TSHZ2: variants seen among roughly 807,000 people sequenced by gnomAD.
TSHZ2 encodes teashirt homolog 2.
A neutral mutation model predicts 74.4 loss-of-function variants in TSHZ2; 21 were observed. That is an observed-to-expected ratio of 0.28 (90% CI 0.20 to 0.41). The LOEUF (loss-of-function observed/expected upper bound fraction) is 0.41. Among genes scored for constraint, TSHZ2 ranks in the 10% least tolerant of loss-of-function variants. The pLI, the probability that TSHZ2 is intolerant of heterozygous loss-of-function variation, is 1.00. For missense variants in TSHZ2, 1,244 were observed against 1,293.5 expected, an observed-to-expected ratio of 0.96 and a Z score of 0.59; for synonymous variants, 540 against 515.3, an observed-to-expected ratio of 1.05 and a Z score of -0.65.
intron 2 of TSHZ2, among the ~76,000 whole-genome samples, chr20:53,342,955 CTTTTTTT>C (rs1175907478): frequency 3.1e-4 from 19 of 61,230 alleles, no homozygotes; most frequent in African/African-American, 7.3e-4. Flanking sequence ...CTTTTCTTTT[CTTTTTTT>C]TTTTTTTTTT....
At chr20:53,175,266 G>T (rs1204463561) in intron 1 of TSHZ2, among the ~76,000 whole-genome samples, 1 of 147,722 alleles carries the variant, frequency 6.8e-6, no homozygotes, top group Non-Finnish European at 1.5e-5. Flanking sequence ...TCAGCCTCCC[G>T]AGTAGCTGGA....
intron 2 of TSHZ2, among the ~76,000 whole-genome samples, chr20:53,366,222 G>A (rs1981252582): frequency 6.6e-6 from 1 of 152,126 alleles, no homozygotes. Context: ...TGCCCACTGT[G>A]GAGACAAAGT....
intron 1 of TSHZ2, among the ~76,000 whole-genome samples, chr20:53,242,080 CACTT>C (rs1387729232): frequency 6.6e-6 from 1 of 152,208 alleles, no homozygotes; most frequent in Middle Eastern, 3.2e-3. Flanking sequence ...ATGAATGTCA[CACTT>C]ACTTGTCGTC....
chr20:53,009,145 TAGTG>T (rs1006895911), intron 1 of TSHZ2, among the ~76,000 whole-genome samples: 2 of 151,180 alleles, frequency 1.3e-5, no homozygotes, highest in South Asian at 2.1e-4. Flanking sequence ...CCTGAAAAAA[TAGTG>T]AGACCAATCG....
chr20:53,453,283 G>T (rs1324667494), intron 2 of TSHZ2, among the ~76,000 whole-genome samples: 1 of 152,192 alleles, frequency 6.6e-6, no homozygotes. Flanking sequence ...ATGGCGGCCT[G>T]TACAATGAAC....
intron 1 of TSHZ2, among the ~76,000 whole-genome samples, chr20:52,982,566 T>C (rs1355751788): frequency 1.3e-5 from 2 of 152,218 alleles, no homozygotes; most frequent in African/African-American, 4.8e-5. Flanking sequence ...GTGCATCTAT[T>C]ATGTGCCAGG....
chr20:53,226,684 C>T (rs564308839), intron 1 of TSHZ2, among the ~76,000 whole-genome samples: 3 of 152,198 alleles, frequency 2.0e-5, no homozygotes, highest in African/African-American at 4.8e-5. Flanking sequence ...TTCTAAGGCT[C>T]GGCCATATTA....
At chr20:53,090,678 C>T (rs1230101878) in intron 1 of TSHZ2, among the ~76,000 whole-genome samples, 1 of 152,172 alleles carries the variant, frequency 6.6e-6, no homozygotes, top group Admixed American at 6.5e-5. Context: ...CCCAGGTGTG[C>T]TTTGAGGTGG....
intron 1 of TSHZ2, among the ~76,000 whole-genome samples, chr20:53,089,252 C>G (rs1985797081): frequency 6.6e-6 from 1 of 150,714 alleles, no homozygotes; most frequent in African/African-American, 2.4e-5. Context: ...GAGGAAAGCC[C>G]ACACAGAGAA....
At chr20:53,098,861 A>G (rs554329717) in intron 1 of TSHZ2, among the ~76,000 whole-genome samples, 1 of 152,246 alleles carries the variant, frequency 6.6e-6, no homozygotes, top group Non-Finnish European at 1.5e-5. Context: ...ACATAAGAAC[A>G]TGGGCTACAT....
chr20:53,285,185 A>G (rs1412698061), intron 2 of TSHZ2, among the ~76,000 whole-genome samples: 1 of 152,180 alleles, frequency 6.6e-6, no homozygotes, highest in East Asian at 1.9e-4. Context: ...CACGGTATTA[A>G]AAAGTTAAAT....
intron 2 of TSHZ2, among the ~76,000 whole-genome samples, chr20:53,333,343 C>T (rs1187066226): frequency 6.6e-6 from 1 of 152,048 alleles, no homozygotes; most frequent in Non-Finnish European, 1.5e-5. Context: ...CAATTAGAGG[C>T]CTTTGAAGAA....
At chr20:53,269,470 C>T (rs1269404482) in intron 2 of TSHZ2, among the ~76,000 whole-genome samples, 1 of 152,166 alleles carries the variant, frequency 6.6e-6, no homozygotes, top group East Asian at 1.9e-4. Flanking sequence ...TTGCAAAGCC[C>T]CACTTGTTAC....
intron 1 of TSHZ2, among the ~76,000 whole-genome samples, chr20:53,148,761 G>A (rs1987605307): frequency 6.6e-6 from 1 of 152,104 alleles, no homozygotes. Flanking sequence ...AATCTTCAGG[G>A]TACAGTCTTT....
At chr20:53,108,998 T>C (rs574023285) in intron 1 of TSHZ2, among the ~76,000 whole-genome samples, 2 of 152,238 alleles carry the variant, frequency 1.3e-5, no homozygotes, top group East Asian at 3.9e-4. Context: ...TGGGATTTTT[T>C]CATTATCTCT....
At position 53,255,491 on chromosome 20, in the gene TSHZ2, A is replaced by G. The variant is rs139660974; in HGVS notation, c.2033A>G (p.Asn678Ser). 1.9e-6 allele frequency: 3 copies of G among 1,601,974 alleles called. No homozygotes were observed. The highest frequency in any genetic ancestry group is 1.3e-5 in the African/African-American group (1 of 74,404). ...QPLEPTSALS[N>S]GCALANHAPA... ...CTGGAGCCCACATCTGCTCTGAGCAATGGGTGCGCCCTCGCCAACCACGCC... is the reference window on the plus strand; with the variant it reads ...CTGGAGCCCACATCTGCTCTGAGCAGTGGGTGCGCCCTCGCCAACCACGCC... The change falls in exon 2 of 3, where the codon AAT becomes AGT. Residue 678 changes from asparagine to serine, a missense_variant. Coordinates refer to ENST00000371497, the MANE Select transcript of TSHZ2 (RefSeq NM_173485.6). This position sits in a 1 kb window ranked among gnomAD's most constrained non-coding sequence, Gnocchi z 4.1.
intron 2 of TSHZ2, among the ~76,000 whole-genome samples, chr20:53,420,193 A>T (rs1047703147): frequency 6.6e-6 from 1 of 152,234 alleles, no homozygotes; most frequent in African/African-American, 2.4e-5. Context: ...CTATGGTGGC[A>T]GGGTGGGAAA....
At chr20:53,299,367 G>A (rs138380549) in intron 2 of TSHZ2, among the ~76,000 whole-genome samples, 17 of 152,248 alleles carry the variant, frequency 1.1e-4, no homozygotes, top group Non-Finnish European at 1.9e-4. Context: ...GCTCACCACT[G>A]CGTTTTTGTG....
intron 1 of TSHZ2, among the ~76,000 whole-genome samples, chr20:53,095,548 C>T (rs1431241834): frequency 1.3e-5 from 2 of 152,188 alleles, no homozygotes; most frequent in Non-Finnish European, 2.9e-5. Flanking sequence ...GGAACAACAA[C>T]AGCAGCAACA....
Sources: gnomAD v4.1 joint callset for allele counts (sites outside exome capture counted in the v4.1 genomes callset) on GRCh38, gnomAD v4.1.1 for gene constraint, Gnocchi (gnomAD v3.1) non-coding constraint, MANE v1.5 for transcripts, NCBI Gene and HGNC (gene_info 2026-07-23, HGNC 2026-07-21) for gene names.